The following C9 variants were observed in gnomAD, a reference collection of about 807,000 sequenced individuals.
C9 encodes complement C9.
Under a neutral mutation model 65.4 loss-of-function variants are expected in C9, and 63 were observed. That is an observed-to-expected ratio of 0.96 (90% CI 0.79 to 1.19). The LOEUF (loss-of-function observed/expected upper bound fraction) is 1.19. Ranked by LOEUF, C9 falls within the 50% of genes most tolerant of loss-of-function variation. C9 has a pLI of 0.00. For synonymous variants in C9, 229 were observed against 227.9 expected, an observed-to-expected ratio of 1.00 and a Z score of -0.04; for missense variants, 744 against 670.1, an observed-to-expected ratio of 1.11 and a Z score of -1.22.
chr5:39,298,711 A>G (rs1753230818), intron 9 of C9, among the ~76,000 whole-genome samples: 1 of 151,878 alleles, frequency 6.6e-6, no homozygotes, highest in Non-Finnish European at 1.5e-5. Context: ...TTTTTCATAA[A>G]ATAGAGAAGA....
At chr5:39,344,714 T>C (rs1009807610) in intron 1 of C9, among the ~76,000 whole-genome samples, 10 of 152,084 alleles carry the variant, frequency 6.6e-5, no homozygotes, top group Admixed American at 2.6e-4. Context: ...CCAAGACACA[T>C]AATTGTCAGA....
At chr5:39,288,235 G>A (rs557795586) in intron 10 of C9, among the ~76,000 whole-genome samples, 38 of 151,812 alleles carry the variant, frequency 2.5e-4, no homozygotes, top group African/African-American at 9.2e-4. Context: ...CTGAGTAGTA[G>A]AAGAGAGAAA....
At chr5:39,305,004 A>G (rs952935402) in intron 9 of C9, among the ~76,000 whole-genome samples, 1 of 152,182 alleles carries the variant, frequency 6.6e-6, no homozygotes, top group Non-Finnish European at 1.5e-5. Flanking sequence ...ATTTGTAGAA[A>G]GACAGTTGAA....
chr5:39,333,563 TC>T (rs1753883660), intron 4 of C9, among the ~76,000 whole-genome samples: 1 of 147,644 alleles, frequency 6.8e-6, no homozygotes, highest in Non-Finnish European at 1.5e-5. Context: ...TATCTCCCTC[TC>T]CCTCTCCCTC....
chr5:39,354,409 G>A (rs2111980289), intron 1 of C9, among the ~76,000 whole-genome samples: 1 of 152,270 alleles, frequency 6.6e-6, no homozygotes, highest in South Asian at 2.1e-4. Flanking sequence ...TCTGAGGATT[G>A]GCTCTAGGCA....
intron 1 of C9, among the ~76,000 whole-genome samples, chr5:39,345,436 A>G (rs554559370): frequency 6.6e-6 from 1 of 152,366 alleles, no homozygotes; most frequent in East Asian, 1.9e-4. Context: ...AGGCCATTAC[A>G]TAACGGTAAA....
chr5:39,288,640 T>G lies in C9; in HGVS notation c.1645+83A>C, dbSNP rs139892306. 3.6e-4 allele frequency: 278 copies of G among 766,474 alleles called. 2 individuals carry two copies. The East Asian group carries it at 6.2e-3, about 17-fold the overall frequency. 47.5% of individuals were successfully genotyped at this position (766,474 alleles called of 1,614,324 possible). On this transcript the variant is annotated intron_variant, in intron 10 of 10. Coordinates refer to ENST00000263408, the MANE Select transcript of C9 (RefSeq NM_001737.5). ...AAATAATCTAGAGATTTAGTACAAATTAATTCAAGAGCTAGTTTTCAAATT... is the reference window on the plus strand; with the variant it reads ...AAATAATCTAGAGATTTAGTACAAAGTAATTCAAGAGCTAGTTTTCAAATT...
intron 7 of C9, among the ~76,000 whole-genome samples, chr5:39,309,592 T>C (rs1753443913): frequency 6.6e-6 from 1 of 152,152 alleles, no homozygotes; most frequent in Admixed American, 6.6e-5. Context: ...GGACTCTGCT[T>C]CTGAAGATGA....
chr5:39,329,052 T>C (rs1326397156), intron 5 of C9, among the ~76,000 whole-genome samples: 3 of 152,214 alleles, frequency 2.0e-5, no homozygotes, highest in African/African-American at 2.4e-5. Context: ...AGAAGAATTA[T>C]AATGAACACC....
intron 5 of C9, among the ~76,000 whole-genome samples, chr5:39,327,815 T>C (rs1425716529): frequency 6.6e-6 from 1 of 152,142 alleles, no homozygotes; most frequent in Non-Finnish European, 1.5e-5. Flanking sequence ...ATGTAGGAAC[T>C]CTGGAAAGAG....
chr5:39,355,689 C>T (rs1754402668), intron 1 of C9, among the ~76,000 whole-genome samples: 1 of 152,174 alleles, frequency 6.6e-6, no homozygotes, highest in African/African-American at 2.4e-5. Flanking sequence ...GCCACCATAA[C>T]AAAGTACCAC....
Position 39,285,001 on chromosome 5 carries a change from A to T in C9, c.*198T>A. ...GTTGACTTCTCATTAGGGAACAAAA[A>T]ATGGAAACATCACAGGAGTTTAAGG... On this transcript the variant is annotated 3_prime_UTR_variant, in exon 11 of 11. Transcript: ENST00000263408. The T allele has an allele frequency of 1.8e-6, 1 of 541,370 alleles. No individual in the cohort carries two copies. The highest frequency in any genetic ancestry group is 3.4e-6 in the Non-Finnish European group (1 of 298,226). The allele number at this position is 541,370 out of a possible 1,614,324, so 33.5% of individuals were successfully genotyped here. A position where few individuals can be genotyped will look rare whatever the true frequency, so the allele number is the denominator to read the frequency against.
chr5:39,310,119 C>T lies in C9; in HGVS notation c.1111+1018G>A, dbSNP rs1480524868. Among the ~76,000 whole-genome samples, 4 of 152,262 alleles carry T rather than the reference C, an allele frequency of 2.6e-5. No homozygotes were observed. The East Asian group carries it at 5.8e-4, about 22-fold the overall frequency. ...CTCTCTGCCCAAAACAAGACTGAGG[C>T]ATCAAGACCAGCTGGTTCTGGCTAT... On this transcript the variant is annotated intron_variant, in intron 7 of 10. Transcript: ENST00000263408.
chr5:39,337,887 T>C (rs370027587), intron 4 of C9, among the ~76,000 whole-genome samples: 26 of 152,248 alleles, frequency 1.7e-4, no homozygotes, highest in East Asian at 1.5e-3. Flanking sequence ...GACTTTCACA[T>C]GTAGAAGAAT....
chr5:39,302,619 A>C (rs1417911165), intron 9 of C9, among the ~76,000 whole-genome samples: 1 of 152,168 alleles, frequency 6.6e-6, no homozygotes, highest in Non-Finnish European at 1.5e-5. Context: ...GAATTACTAC[A>C]TCATGTAACT....
At position 39,315,691 on chromosome 5, in the gene C9, A is replaced by G. The variant is rs1160550954; in HGVS notation, c.870+84T>C. On this transcript the variant is annotated intron_variant, in intron 6 of 10. Transcript: ENST00000263408. Reference sequence around the variant, plus strand: ...TTGATCCATGTTTCTTTTCCTTTTTATGATTTCTATTTGCTCAAAATACTT... The same window carrying G: ...TTGATCCATGTTTCTTTTCCTTTTTGTGATTTCTATTTGCTCAAAATACTT... 5.9e-6 allele frequency: 6 copies of G among 1,025,112 alleles called. No homozygotes were observed. The Admixed American group carries it at 1.0e-4, about 17-fold the overall frequency. The allele number at this position is 1,025,112 out of a possible 1,614,324, so 63.5% of individuals were successfully genotyped here.
At chr5:39,324,977 C>A (rs1342275080) in intron 5 of C9, among the ~76,000 whole-genome samples, 1 of 152,008 alleles carries the variant, frequency 6.6e-6, no homozygotes, top group Non-Finnish European at 1.5e-5. Flanking sequence ...TATAATACTC[C>A]TTGAAAAGAA....
At chr5:39,290,347 G>C (rs77124435) in intron 9 of C9, among the ~76,000 whole-genome samples, 2,364 of 151,960 alleles carry the variant, frequency 0.016, 61 homozygotes, top group East Asian at 0.076. Context: ...AGCAAGAGCT[G>C]TTTGAGTGAA....
intron 4 of C9, among the ~76,000 whole-genome samples, chr5:39,337,579 C>T (rs373282445): frequency 2.8e-4 from 43 of 152,246 alleles, no homozygotes; most frequent in East Asian, 7.7e-4. Flanking sequence ...TCTAGAACCA[C>T]GGGCAGTTCC....
Sources: gnomAD v4.1 joint callset for allele counts (sites outside exome capture counted in the v4.1 genomes callset) on GRCh38, gnomAD v4.1.1 for gene constraint, MANE v1.5 for transcripts, NCBI Gene and HGNC (gene_info 2026-07-23, HGNC 2026-07-21) for gene names.